The following GFRA1 variants were observed in gnomAD, a reference collection of about 807,000 sequenced individuals.
The protein encoded by GFRA1 is GDNF family receptor alpha 1.
Under a neutral mutation model 51.6 loss-of-function variants are expected in GFRA1, and 16 were observed. The ratio of observed to expected loss-of-function variants is 0.31; its 90% CI spans 0.21 to 0.47. GFRA1 has a LOEUF of 0.47. GFRA1 is among the 20% of genes least tolerant of loss of function. GFRA1 has a pLI of 1.00. For missense variants in GFRA1, 530 were observed against 594.3 expected, an observed-to-expected ratio of 0.89 and a Z score of 1.13; for synonymous variants, 270 against 241.3, an observed-to-expected ratio of 1.12 and a Z score of -1.10.
At chr10:116,127,164 T>G (rs1328975308) in intron 5 of GFRA1, among the ~76,000 whole-genome samples, 1 of 152,086 alleles carries the variant, frequency 6.6e-6, no homozygotes, top group Non-Finnish European at 1.5e-5. Context: ...GCAAGATGAA[T>G]AAGTTCTAGA....
intron 3 of GFRA1, among the ~76,000 whole-genome samples, chr10:116,270,210 G>A (rs991230349): frequency 6.6e-6 from 1 of 152,202 alleles, no homozygotes; most frequent in African/African-American, 2.4e-5. Flanking sequence ...GTTGTGACCA[G>A]TGGATCTTTC....
chr10:116,193,048 G>A (rs535596339), intron 5 of GFRA1, among the ~76,000 whole-genome samples: 3 of 152,126 alleles, frequency 2.0e-5, no homozygotes, highest in Admixed American at 6.5e-5. Flanking sequence ...ACAAACAACT[G>A]TTCCTTGGTC....
At chr10:116,136,086 T>C (rs936428123) in intron 5 of GFRA1, among the ~76,000 whole-genome samples, 1 of 152,232 alleles carries the variant, frequency 6.6e-6, no homozygotes, top group Non-Finnish European at 1.5e-5. Context: ...TTAATGACTT[T>C]CTCTGGACCA....
chr10:116,234,838 G>A (rs980593074), intron 4 of GFRA1, among the ~76,000 whole-genome samples: 2 of 152,110 alleles, frequency 1.3e-5, no homozygotes, highest in South Asian at 2.1e-4. Flanking sequence ...GGAGGGACCC[G>A]ATGGGAGGTA....
At chr10:116,185,987 A>G (rs930202473) in intron 5 of GFRA1, among the ~76,000 whole-genome samples, 1 of 152,126 alleles carries the variant, frequency 6.6e-6, no homozygotes, top group African/African-American at 2.4e-5. Flanking sequence ...TATCTTTTAA[A>G]TTTTATTTTA....
At position 116,256,836 on chromosome 10, in the gene GFRA1, C is replaced by T. The variant is rs536926226; in HGVS notation, c.418+12667G>A. On this transcript the variant is annotated intron_variant, in intron 4 of 10. Transcript: ENST00000355422. The stretch of plus-strand genomic sequence containing the variant: ...AATAAATAAGCCCATACCTCAAGTC[C>T]TCCAAATGGGTGCTACCCAGCACGG... Among the ~76,000 whole-genome samples, 14 of 152,318 alleles carry T rather than the reference C, an allele frequency of 9.2e-5. No homozygotes were observed. In the South Asian group the frequency reaches 2.9e-3, roughly 32 times the overall value.
In GFRA1 at chr10:116,153,264, A is replaced by C. The variant is rs17094243; in HGVS notation, c.434-27707T>G. Reference sequence around the variant, plus strand: ...AGAATGAGCTACACTCTGACTGATAAACAAAGAATGAAGCATTTCCCAGAG... The same window carrying C: ...AGAATGAGCTACACTCTGACTGATACACAAAGAATGAAGCATTTCCCAGAG... On this transcript the variant is annotated intron_variant, in intron 5 of 10. Coordinates refer to ENST00000355422, the MANE Select transcript of GFRA1 (RefSeq NM_005264.8). Among the ~76,000 whole-genome samples, 382 of 152,330 alleles carry C rather than the reference A, an allele frequency of 2.5e-3. 7 individuals are homozygous for C. The East Asian group carries it at 0.054, about 22-fold the overall frequency.
At chr10:116,166,780 C>CTTCTTTTTTTTTTT (rs1267031089) in intron 5 of GFRA1, among the ~76,000 whole-genome samples, 3 of 76,384 alleles carry the variant, frequency 3.9e-5, no homozygotes, top group African/African-American at 1.8e-4. Context: ...CAACAATCTT[C>CTTCTTTTTTTTTTT]TTTTTTTTTT....
At chr10:116,165,361 T>TA (rs1221135318) in intron 5 of GFRA1, among the ~76,000 whole-genome samples, 2 of 146,080 alleles carry the variant, frequency 1.4e-5, no homozygotes, top group Non-Finnish European at 2.9e-5. Context: ...TCTCTCCTTA[T>TA]AAAACTGAGG....
chr10:116,169,066 C>T (rs754078842), intron 5 of GFRA1, among the ~76,000 whole-genome samples: 1 of 152,160 alleles, frequency 6.6e-6, no homozygotes, highest in Non-Finnish European at 1.5e-5. Flanking sequence ...TCTGTCACCT[C>T]CCACTGATTT....
At chr10:116,135,933 C>T (rs1958305062) in intron 5 of GFRA1, among the ~76,000 whole-genome samples, 2 of 152,202 alleles carry the variant, frequency 1.3e-5, no homozygotes, top group African/African-American at 4.8e-5. Flanking sequence ...TGTACTCAAT[C>T]CTGTTGCATC....
At chr10:116,073,598 A>G (rs751858680) in intron 9 of GFRA1, among the ~76,000 whole-genome samples, 102 of 152,334 alleles carry the variant, frequency 6.7e-4, no homozygotes, top group South Asian at 6.2e-4. Flanking sequence ...AATGGTATAA[A>G]GGCAGCTAGG....
At chr10:116,207,067 C>A (rs1287308185) in intron 5 of GFRA1, among the ~76,000 whole-genome samples, 2 of 125,122 alleles carry the variant, frequency 1.6e-5, no homozygotes, top group East Asian at 4.4e-4. Context: ...CTTAAAACTT[C>A]TCCAGATAGA....
intron 4 of GFRA1, among the ~76,000 whole-genome samples, chr10:116,236,760 C>T (rs1481978537): frequency 2.0e-5 from 3 of 152,308 alleles, no homozygotes; most frequent in Non-Finnish European, 4.4e-5. Flanking sequence ...GGGGTACAAC[C>T]TCATCTGGGC....
At chr10:116,251,633 A>G (rs188095273) in intron 4 of GFRA1, among the ~76,000 whole-genome samples, 55 of 152,334 alleles carry the variant, frequency 3.6e-4, no homozygotes, top group African/African-American at 1.2e-3. Context: ...CCAGCCTTCC[A>G]GGAGTTTAAA....
intron 5 of GFRA1, among the ~76,000 whole-genome samples, chr10:116,144,901 C>A (rs1310809951): frequency 6.6e-6 from 1 of 151,900 alleles, no homozygotes; most frequent in Non-Finnish European, 1.5e-5. Flanking sequence ...GTAATCCCAG[C>A]ACTTTGGGAG....
intron 3 of GFRA1, 51 bp from the exon 4 acceptor site, chr10:116,269,637 G>T: frequency 1.9e-6 from 2 of 1,066,286 alleles, no homozygotes; most frequent in Non-Finnish European, 2.9e-6. Context: ...TATATTTCAA[G>T]CAGGTTTTTG....
chr10:116,257,748 C>T lies in GFRA1; in HGVS notation c.418+11755G>A, dbSNP rs143744619. 7.7e-4 allele frequency among the ~76,000 whole-genome samples: 118 copies of T among 152,306 alleles called. No homozygotes were observed. The East Asian group carries it at 0.014, about 18-fold the overall frequency. ...ACTAAAATGGCAATTTCATGCGATT[C>T]AATCTAAAAATTTCAGCAATGCTGA... On this transcript the variant is annotated intron_variant, in intron 4 of 10. Transcript: ENST00000355422.
intron 8 of GFRA1, among the ~76,000 whole-genome samples, chr10:116,090,764 C>G (rs368304011): frequency 6.6e-6 from 1 of 151,928 alleles, no homozygotes; most frequent in South Asian, 2.1e-4. Flanking sequence ...TATAAAAAAC[C>G]AAACTCCTCC....
Sources: gnomAD v4.1 joint callset for allele counts (sites outside exome capture counted in the v4.1 genomes callset) on GRCh38, gnomAD v4.1.1 for gene constraint, MANE v1.5 for transcripts, NCBI Gene and HGNC (gene_info 2026-07-23, HGNC 2026-07-21) for gene names.